JAM3: variants seen among roughly 807,000 people sequenced by gnomAD.
The protein encoded by JAM3 is junctional adhesion molecule C.
Under a neutral mutation model 39.4 loss-of-function variants are expected in JAM3, and 31 were observed. The ratio of observed to expected loss-of-function variants is 0.79; its 90% CI spans 0.59 to 1.06. The LOEUF (loss-of-function observed/expected upper bound fraction) is 1.06. Ranked by LOEUF, JAM3 falls within the 50% of genes least tolerant of loss-of-function variation. The pLI is 0.00. For missense variants in JAM3, 455 were observed against 391.4 expected, an observed-to-expected ratio of 1.16 and a Z score of -1.37; for synonymous variants, 182 against 148.7, an observed-to-expected ratio of 1.22 and a Z score of -1.63.
At chr11:134,098,542 G>A (rs535285187) in intron 1 of JAM3, among the ~76,000 whole-genome samples, 2 of 152,300 alleles carry the variant, frequency 1.3e-5, no homozygotes, top group Admixed American at 1.3e-4. Flanking sequence ...GTCGGGGCAA[G>A]TATAGATACT....
intron 1 of JAM3, among the ~76,000 whole-genome samples, chr11:134,099,376 T>C (rs1942035795): frequency 6.6e-6 from 1 of 152,116 alleles, no homozygotes; most frequent in Non-Finnish European, 1.5e-5. Context: ...TTCTATTTGC[T>C]TCATTTTCTT....
At chr11:134,069,270 A>C in intron 1 of JAM3, 111 bp downstream of exon 1, 1 of 1,431,546 alleles carries the variant, frequency 7.0e-7, no homozygotes, top group African/African-American at 1.5e-5. Flanking sequence ...CCTGGCTCCG[A>C]GGGCTCCCGG....
rs1943202251 is a variant in JAM3 at position 134,150,825 on chromosome 11, G to A, written c.*1644G>A. The A allele has an allele frequency of 6.6e-6, 1 of 152,164 alleles. No homozygotes were observed. Among genetic ancestry groups the A allele is most frequent in the African/African-American group, 2.4e-5 (1 of 41,434 alleles). The allele number at this position is 152,164 out of a possible 1,614,324, so 9.4% of individuals were successfully genotyped here. ...TCGCATTTCAAAACAAACCATGATG[G>A]AGTGGCGGCCAGTCCAGCCTTTTAA... is the stretch of plus-strand genomic sequence containing the variant. On this transcript the variant is annotated 3_prime_UTR_variant, in exon 9 of 9. Transcript: ENST00000299106.
intron 1 of JAM3, among the ~76,000 whole-genome samples, chr11:134,116,259 G>A (rs1165242596): frequency 1.3e-5 from 2 of 152,104 alleles, no homozygotes; most frequent in African/African-American, 4.8e-5. Flanking sequence ...GTTTTTTCAT[G>A]AATATTGGCA....
chr11:134,122,748 T>A (rs1942560999), intron 1 of JAM3, among the ~76,000 whole-genome samples: 1 of 152,246 alleles, frequency 6.6e-6, no homozygotes, highest in Non-Finnish European at 1.5e-5. Flanking sequence ...CGAAAATATG[T>A]GAATTCGCTG....
Position 134,100,866 on chromosome 11 carries a change from C to T in JAM3, c.76+31707C>T, listed in dbSNP as rs549519522. Among the ~76,000 whole-genome samples, 212 of 152,346 alleles carry T rather than the reference C, an allele frequency of 1.4e-3. 9 individuals carry two copies. The South Asian group carries it at 0.041, about 29-fold the overall frequency. On this transcript the variant is annotated intron_variant, in intron 1 of 8. Transcript: ENST00000299106. ...TTCAGCTCTTAACCACTATATTATA[C>T]TGCTTCCTTACTAGACAAACACTTA...
At chr11:134,133,178 A>G (rs866438573) in intron 1 of JAM3, among the ~76,000 whole-genome samples, 7 of 151,640 alleles carry the variant, frequency 4.6e-5, no homozygotes. Context: ...TATTTATTCT[A>G]ATATTTTTGG....
intron 1 of JAM3, among the ~76,000 whole-genome samples, chr11:134,131,196 T>A (rs1224221951): frequency 8.3e-6 from 1 of 120,886 alleles, no homozygotes; most frequent in Non-Finnish European, 1.6e-5. Flanking sequence ...ACAGAGCCAG[T>A]CTCCAAAGAC....
chr11:134,125,646 G>C (rs939458575), intron 1 of JAM3, among the ~76,000 whole-genome samples: 5 of 152,152 alleles, frequency 3.3e-5, no homozygotes, highest in Admixed American at 6.5e-5. Context: ...ATGGATGCTG[G>C]GAAGCTGAAT....
chr11:134,070,045 G>A, intron 1 of JAM3: 1 of 397,830 alleles, frequency 2.5e-6, no homozygotes, highest in South Asian at 1.9e-5. Flanking sequence ...TTCCTGGACA[G>A]TTGTACAGAG....
intron 1 of JAM3, among the ~76,000 whole-genome samples, chr11:134,092,894 C>T (rs1310644105): frequency 6.8e-6 from 1 of 146,470 alleles, no homozygotes; most frequent in East Asian, 2.1e-4. Flanking sequence ...TTCTCCTGAA[C>T]CCTCCTTATT....
In JAM3 at chr11:134,144,885, G is replaced by T; in HGVS notation, c.503G>T (p.Arg168Leu). Reference protein sequence around the residue: ...LHCQESEGHPRPHYSWYRNDV... With the variant: ...LHCQESEGHPLPHYSWYRNDV... ...TGCCAGGAGAGTGAGGGCCACCCCC[G>T]GCCTCACTACAGCTGGTATCGCAAT... Residue 168 changes from arginine to leucine, a missense_variant, in exon 5 of 9, where the codon CGG becomes CTG. Physicochemically the swap from Arg to Leu is moderately radical, Grantham distance 102. Transcript: ENST00000299106. 1 of 1,614,144 alleles carries T rather than the reference G, an allele frequency of 6.2e-7. No homozygotes were observed. Among genetic ancestry groups the T allele is most frequent in the Non-Finnish European group, 8.5e-7 (1 of 1,180,006 alleles).
At position 134,125,790 on chromosome 11, in the gene JAM3, C is replaced by A. The variant is rs138313023; in HGVS notation, c.77-14061C>A. 5.2e-3 allele frequency among the ~76,000 whole-genome samples: 793 copies of A among 152,296 alleles called. 8 individuals carry two copies. The highest frequency in any genetic ancestry group is 0.018 in the African/African-American group (748 of 41,572). On this transcript the variant is annotated intron_variant, in intron 1 of 8. Transcript: ENST00000299106. ...AGCTCCTTCCTGCTTTGCTAATTAT[C>A]AAAATGTTGGTAGGAGAAAGCACAG...
intron 1 of JAM3, among the ~76,000 whole-genome samples, chr11:134,129,815 AAC>A (rs1309215750): frequency 2.0e-5 from 3 of 152,332 alleles, no homozygotes; most frequent in Non-Finnish European, 4.4e-5. Flanking sequence ...CAGCCTGGGC[AAC>A]ACGGTGAAAC....
chr11:134,108,545 A>G (rs74620233), intron 1 of JAM3, among the ~76,000 whole-genome samples: 3,826 of 152,302 alleles, frequency 0.025, 167 homozygotes, highest in African/African-American at 0.087. Context: ...TTAGCAAGTC[A>G]ATCATAAAAA....
Position 134,148,550 on chromosome 11 carries a change from A to T in JAM3, c.716A>T (p.Asp239Val). 1 of 1,614,044 alleles carries T rather than the reference A, an allele frequency of 6.2e-7. No homozygotes were observed. The highest frequency in any genetic ancestry group is 2.2e-5 in the East Asian group (1 of 44,864). The change falls in exon 7 of 9, where the codon GAC becomes GTC. Residue 239 changes from aspartate (D) to valine (V), a missense_variant. Transcript: ENST00000299106. Reference sequence around the variant, plus strand: ...CACCAAACCTCCTTTTCTTCAGATGACCTGAACATTGGCGGAATTATTGGG... The same window carrying T: ...CACCAAACCTCCTTTTCTTCAGATGTCCTGAACATTGGCGGAATTATTGGG... Reference protein sequence around the residue: ...RCEEQEMEVYDLNIGGIIGGV... With the variant: ...RCEEQEMEVYVLNIGGIIGGV...
intron 1 of JAM3, among the ~76,000 whole-genome samples, chr11:134,131,786 T>C (rs758329262): frequency 1.6e-4 from 25 of 151,990 alleles, no homozygotes; most frequent in Non-Finnish European, 2.8e-4. Flanking sequence ...GAACTGAAAA[T>C]ACAATAACTG....
chr11:134,124,111 G>T (rs1565497204), intron 1 of JAM3: 4 of 1,487,040 alleles, frequency 2.7e-6, no homozygotes, highest in South Asian at 2.3e-5. Context: ...TGATTAGGGG[G>T]TGGAGCTCCA....
At chr11:134,112,055 A>G (rs115843671) in intron 1 of JAM3, among the ~76,000 whole-genome samples, 2,417 of 152,284 alleles carry the variant, frequency 0.016, 60 homozygotes, top group African/African-American at 0.053. Flanking sequence ...AAAACTGCCC[A>G]TCTCATATGG....
Sources: allele counts gnomAD v4.1 joint callset (sites outside exome capture counted in the v4.1 genomes callset), GRCh38; gene constraint gnomAD v4.1.1; transcripts MANE v1.5; gene names NCBI Gene and HGNC (gene_info 2026-07-23, HGNC 2026-07-21).